The following TFEC variants were observed in gnomAD, a reference collection of about 807,000 sequenced individuals.
The protein encoded by TFEC is class E basic helix-loop-helix protein 34.
TFEC carries 31 observed loss-of-function variants against 41.6 expected under a neutral mutation model. The observed-to-expected ratio is 0.74, with a 90% CI of 0.56 to 1.01. TFEC has a LOEUF of 1.01. TFEC is among the 50% of genes least tolerant of loss of function. The pLI is 0.00. For synonymous variants in TFEC, 143 were observed against 140.6 expected (o/e 1.02, Z -0.12); for missense variants, 402 against 404.1 (o/e 0.99, Z 0.04).
intron 1 of TFEC, among the ~76,000 whole-genome samples, chr7:116,116,991 A>G (rs951743825): frequency 1.3e-5 from 2 of 151,900 alleles, no homozygotes; most frequent in African/African-American, 4.8e-5. Flanking sequence ...AACAAATGTA[A>G]TAACATCTTT....
At chr7:116,024,241 T>A (rs1795504176) in intron 1 of TFEC, among the ~76,000 whole-genome samples, 1 of 152,198 alleles carries the variant, frequency 6.6e-6, no homozygotes, top group Non-Finnish European at 1.5e-5. Flanking sequence ...AACCGTGATT[T>A]CTGATTTTCT....
intron 1 of TFEC, among the ~76,000 whole-genome samples, chr7:116,149,868 A>C (rs2116455116): frequency 6.6e-6 from 1 of 152,290 alleles, no homozygotes; most frequent in African/African-American, 2.4e-5. Flanking sequence ...CCGAGACATT[A>C]AGTGTTCATC....
chr7:116,156,596 GCTAT>G (rs1458988009), intron 1 of TFEC, among the ~76,000 whole-genome samples: 1 of 152,100 alleles, frequency 6.6e-6, no homozygotes, highest in Admixed American at 6.6e-5. Context: ...TGTATTTTAA[GCTAT>G]CTATTTTTTT....
chr7:116,149,928 C>G (rs188592223), intron 1 of TFEC, among the ~76,000 whole-genome samples: 2 of 152,182 alleles, frequency 1.3e-5, no homozygotes, highest in East Asian at 1.9e-4. Context: ...TGTCTTGACT[C>G]TAGGCAATGG....
intron 1 of TFEC, among the ~76,000 whole-genome samples, chr7:115,987,005 T>A (rs899388468): frequency 6.6e-6 from 1 of 152,194 alleles, no homozygotes; most frequent in Admixed American, 6.5e-5. Flanking sequence ...ATGTTACTCA[T>A]GCAAAAGAAG....
At chr7:116,141,842 G>C (rs1036039499) in intron 1 of TFEC, among the ~76,000 whole-genome samples, 3 of 152,190 alleles carry the variant, frequency 2.0e-5, no homozygotes, top group African/African-American at 7.2e-5. Flanking sequence ...GATATCAATA[G>C]TTTTCTAAGA....
At chr7:116,051,770 G>A (rs999296000) in intron 3 of TFEC, among the ~76,000 whole-genome samples, 9 of 152,038 alleles carry the variant, frequency 5.9e-5, no homozygotes, top group Non-Finnish European at 1.5e-5. Context: ...ATTTATATCA[G>A]ACACTGTGGT....
At chr7:116,082,493 C>T (rs1797114012) in intron 3 of TFEC, among the ~76,000 whole-genome samples, 1 of 151,950 alleles carries the variant, frequency 6.6e-6, no homozygotes. Context: ...TGAAAAAGTG[C>T]TTTCTGTTAG....
chr7:116,007,672 A>C (rs1794850781), intron 1 of TFEC, among the ~76,000 whole-genome samples: 1 of 152,208 alleles, frequency 6.6e-6, no homozygotes, highest in African/African-American at 2.4e-5. Flanking sequence ...TAGAGACAGC[A>C]TATTGTATAA....
intron 3 of TFEC, among the ~76,000 whole-genome samples, chr7:116,047,565 C>T (rs1796199673): frequency 6.6e-6 from 1 of 152,180 alleles, no homozygotes; most frequent in Non-Finnish European, 1.5e-5. Context: ...GTAGACTCCA[C>T]CTCTGAGGGC....
At chr7:116,112,353 T>C (rs1478114538) in intron 1 of TFEC, among the ~76,000 whole-genome samples, 1 of 152,036 alleles carries the variant, frequency 6.6e-6, no homozygotes, top group Admixed American at 6.6e-5. Context: ...TTCAAACATT[T>C]TCATAGCAAT....
chr7:116,116,349 G>T (rs1797988043), intron 1 of TFEC, among the ~76,000 whole-genome samples: 1 of 151,844 alleles, frequency 6.6e-6, no homozygotes, highest in South Asian at 2.1e-4. Flanking sequence ...AGGAGAAGTA[G>T]ATTTATTTTA....
chr7:116,035,508 C>T (rs1196304894), upstream of TFEC, among the ~76,000 whole-genome samples: 1 of 151,842 alleles, frequency 6.6e-6, no homozygotes, highest in African/African-American at 2.4e-5. Context: ...TAATATCCAC[C>T]AAAATTATAG....
chr7:116,003,811 C>G (rs1318011023), intron 1 of TFEC, among the ~76,000 whole-genome samples: 2 of 151,874 alleles, frequency 1.3e-5, no homozygotes, highest in Admixed American at 1.3e-4. Context: ...AGTTAAGCTA[C>G]AAATCAATAA....
chr7:116,050,085 C>A (rs1386968425), intron 3 of TFEC, among the ~76,000 whole-genome samples: 2 of 152,008 alleles, frequency 1.3e-5, no homozygotes, highest in Non-Finnish European at 2.9e-5. Context: ...GAAGCAACAG[C>A]AAACACATTC....
intron 1 of TFEC, among the ~76,000 whole-genome samples, chr7:115,990,197 A>C (rs1314045274): frequency 1.3e-5 from 2 of 152,242 alleles, no homozygotes; most frequent in Admixed American, 6.5e-5. Context: ...ACAAAGAGAA[A>C]GGACATCCAC....
At chr7:116,050,158 G>GA (rs1562951485) in intron 3 of TFEC, among the ~76,000 whole-genome samples, 2 of 151,118 alleles carry the variant, frequency 1.3e-5, no homozygotes, top group South Asian at 2.1e-4. Context: ...ATAGAGACAC[G>GA]AAAAAAAACC....
chr7:115,961,675 A>G (rs1792561379), intron 3 of TFEC, among the ~76,000 whole-genome samples: 1 of 151,712 alleles, frequency 6.6e-6, no homozygotes, highest in Admixed American at 6.6e-5. Context: ...AATGAATAAC[A>G]TTTCAAATGA....
chr7:116,136,285 A>G (rs1172977086), intron 1 of TFEC, among the ~76,000 whole-genome samples: 1 of 152,056 alleles, frequency 6.6e-6, no homozygotes, highest in African/African-American at 2.4e-5. Flanking sequence ...CAATTTAATA[A>G]TTCAAAAGTA....
Sources: allele counts gnomAD v4.1 joint callset (sites outside exome capture counted in the v4.1 genomes callset), GRCh38; gene constraint gnomAD v4.1.1; transcripts MANE v1.5; gene names NCBI Gene and HGNC (gene_info 2026-07-23, HGNC 2026-07-21).